Variants in NAALADL2 observed in about 807,000 individuals in gnomAD.
The protein encoded by NAALADL2 is N-acetylated alpha-linked acidic dipeptidase like 2, also known as inactive N-acetylated-alpha-linked acidic dipeptidase-like protein 2.
In NAALADL2, 76 loss-of-function variants were observed where a neutral mutation model predicts 87.2. That is an observed-to-expected ratio of 0.87 (90% CI 0.72 to 1.05). The LOEUF is 1.05. NAALADL2 is among the 50% of genes least tolerant of loss of function. The probability of loss-of-function intolerance (pLI) is 0.00; values close to 1 mark genes in which losing one functional copy is unlikely to be tolerated. For synonymous variants in NAALADL2, 354 were observed against 331.0 expected, an observed-to-expected ratio of 1.07 and a Z score of -0.75; for missense variants, 1,089 against 945.8, an observed-to-expected ratio of 1.15 and a Z score of -1.99.
chr3:174,986,311 CA>C (rs1745875370), intron 1 of NAALADL2, among the ~76,000 whole-genome samples: 1 of 147,136 alleles, frequency 6.8e-6, no homozygotes. Flanking sequence ...TATATATACA[CA>C]ATATATATAT....
At chr3:175,616,760 A>G (rs895707353) in intron 10 of NAALADL2, among the ~76,000 whole-genome samples, 4 of 152,084 alleles carry the variant, frequency 2.6e-5, no homozygotes, top group African/African-American at 9.7e-5. Context: ...TGTACCCCCA[A>G]TATTGGGGTA....
chr3:175,589,619 A>G (rs1283648573), intron 10 of NAALADL2, among the ~76,000 whole-genome samples: 1 of 152,052 alleles, frequency 6.6e-6, no homozygotes, highest in Non-Finnish European at 1.5e-5. Flanking sequence ...ATCATAATTG[A>G]TATAACTATT....
intron 1 of NAALADL2, among the ~76,000 whole-genome samples, chr3:174,961,107 C>T (rs1449487464): frequency 1.4e-5 from 2 of 147,232 alleles, no homozygotes; most frequent in Non-Finnish European, 3.0e-5. Flanking sequence ...TAATATATAA[C>T]ATAATGATAT....
chr3:174,464,803 A>AT (rs1369968155), intron 1 of NAALADL2, among the ~76,000 whole-genome samples: 1 of 152,026 alleles, frequency 6.6e-6, no homozygotes, highest in Non-Finnish European at 1.5e-5. Flanking sequence ...GTACTCTAAG[A>AT]TGTCCTATTA....
At chr3:175,470,303 T>C (rs1309040211) in intron 8 of NAALADL2, among the ~76,000 whole-genome samples, 4 of 152,078 alleles carry the variant, frequency 2.6e-5, no homozygotes, top group Admixed American at 6.6e-5. Context: ...ATGGTGAATA[T>C]ACTTAGTAAT....
chr3:175,154,296 G>A (rs78074165), intron 2 of NAALADL2, among the ~76,000 whole-genome samples: 43 of 152,166 alleles, frequency 2.8e-4, no homozygotes, highest in African/African-American at 8.9e-4. Context: ...AGATTGAGCC[G>A]ATTAATTATA....
chr3:175,334,242 T>C (rs1761739580), intron 5 of NAALADL2, among the ~76,000 whole-genome samples: 1 of 152,014 alleles, frequency 6.6e-6, no homozygotes. Context: ...ATTAGGTAGA[T>C]TAGATAGACA....
intron 1 of NAALADL2, among the ~76,000 whole-genome samples, chr3:174,879,407 G>T (rs534846302): frequency 3.4e-4 from 52 of 152,080 alleles, no homozygotes; most frequent in African/African-American, 1.2e-3. Context: ...TATGTTCAAT[G>T]ACTTTGTCTT....
At chr3:174,567,262 C>T (rs113131136) in intron 2 of NAALADL2, among the ~76,000 whole-genome samples, 72 of 151,458 alleles carry the variant, frequency 4.8e-4, no homozygotes, top group African/African-American at 1.6e-3. Context: ...TACATATATA[C>T]ATATTTTAAG....
chr3:175,200,573 A>G (rs1665682481), intron 2 of NAALADL2, among the ~76,000 whole-genome samples: 1 of 152,182 alleles, frequency 6.6e-6, no homozygotes, highest in Admixed American at 6.6e-5. Context: ...AGCAGTTACT[A>G]GAACAACCAT....
intron 1 of NAALADL2, among the ~76,000 whole-genome samples, chr3:174,900,823 A>G (rs1473324192): frequency 6.6e-6 from 1 of 152,118 alleles, no homozygotes; most frequent in South Asian, 2.1e-4. Context: ...TTAAAAGCAG[A>G]AAAATGTTCA....
chr3:174,871,852 T>A lies in NAALADL2; in HGVS notation c.43+12402T>A, dbSNP rs1291991853. ...AGGTGGAGGTTGCACTGAGCTGAGA[T>A]CATGCCACTGTACTCCAGCCGGGGT... is the stretch of plus-strand genomic sequence containing the variant. On this transcript the variant is annotated intron_variant, in intron 1 of 13. Transcript: ENST00000454872. Among the ~76,000 whole-genome samples, 5 of 152,250 alleles carry A rather than the reference T, an allele frequency of 3.3e-5. No homozygotes were observed. The East Asian group carries it at 9.7e-4, about 29-fold the overall frequency.
intron 9 of NAALADL2, among the ~76,000 whole-genome samples, chr3:175,516,327 A>G (rs1408495871): frequency 6.6e-6 from 1 of 152,228 alleles, no homozygotes; most frequent in Non-Finnish European, 1.5e-5. Flanking sequence ...TACCTTGCTT[A>G]CATAGGCAAG....
At chr3:174,849,721 C>T (rs1354418755) in intron 3 of NAALADL2, among the ~76,000 whole-genome samples, 9 of 115,424 alleles carry the variant, frequency 7.8e-5, no homozygotes, top group Admixed American at 2.5e-4. Flanking sequence ...GGTGACAGAG[C>T]GAGACTCTGA....
chr3:174,795,866 A>G (rs1292778993), intron 3 of NAALADL2, among the ~76,000 whole-genome samples: 4 of 152,192 alleles, frequency 2.6e-5, no homozygotes, highest in African/African-American at 9.6e-5. Flanking sequence ...TTTGCCTATT[A>G]TAAAAATTGG....
At chr3:175,392,572 A>G (rs1769209942) in intron 5 of NAALADL2, among the ~76,000 whole-genome samples, 1 of 152,158 alleles carries the variant, frequency 6.6e-6, no homozygotes, top group Non-Finnish European at 1.5e-5. Context: ...TATTTCCCTC[A>G]TGATTTTCTC....
At chr3:175,724,035 C>T (rs888697096) in intron 11 of NAALADL2, among the ~76,000 whole-genome samples, 2 of 152,108 alleles carry the variant, frequency 1.3e-5, no homozygotes, top group Admixed American at 6.6e-5. Context: ...TCCAAACCAT[C>T]CAAAGCCCCT....
chr3:175,327,206 A>G (rs970928042), intron 5 of NAALADL2, among the ~76,000 whole-genome samples: 35 of 128,294 alleles, frequency 2.7e-4, no homozygotes, highest in African/African-American at 1.0e-3. Flanking sequence ...CCCAGGCTGG[A>G]GTGCAGCGGC....
intron 1 of NAALADL2, among the ~76,000 whole-genome samples, chr3:174,963,603 G>A (rs1034391019): frequency 9.2e-5 from 14 of 152,062 alleles, no homozygotes; most frequent in Admixed American, 3.3e-4. Flanking sequence ...TTCACACGGC[G>A]TTGTGATGAT....
Sources: gnomAD v4.1 joint callset for allele counts (sites outside exome capture counted in the v4.1 genomes callset) on GRCh38, gnomAD v4.1.1 for gene constraint, MANE v1.5 for transcripts, NCBI Gene and HGNC (gene_info 2026-07-23, HGNC 2026-07-21) for gene names.